Variants in NRDC observed in about 807,000 individuals in gnomAD.
The protein encoded by NRDC is nardilysin.
Under a neutral mutation model 147.1 loss-of-function variants are expected in NRDC, and 54 were observed. The observed-to-expected ratio is 0.37, with a 90% CI of 0.29 to 0.46. The LOEUF (loss-of-function observed/expected upper bound fraction) is 0.46, where lower values mean the gene tolerates loss of function less well. Ranked by LOEUF, NRDC falls within the 20% of genes least tolerant of loss-of-function variation. The pLI, the probability that NRDC is intolerant of heterozygous loss-of-function variation, is 1.00. For missense variants in NRDC, 1,082 were observed against 1,370.6 expected (o/e 0.79, Z 3.33); for synonymous variants, 440 against 482.1 (o/e 0.91, Z 1.14).
chr1:51,870,212 A>C (rs1341635896), intron 1 of NRDC, among the ~76,000 whole-genome samples: 2 of 152,254 alleles, frequency 1.3e-5, no homozygotes, highest in African/African-American at 4.8e-5. Flanking sequence ...TGATCTCCGT[A>C]CTCACGGGCA....
intron 3 of NRDC, 103 bp from the exon 4 acceptor site, chr1:51,834,273 C>A: frequency 8.6e-7 from 1 of 1,159,206 alleles, no homozygotes; most frequent in South Asian, 1.4e-5. Flanking sequence ...AGAAAATAGA[C>A]CAACACATCA....
At chr1:51,836,086 G>GT in intron 3 of NRDC, 45 bp downstream of exon 3, 3 of 1,424,464 alleles carry the variant, frequency 2.1e-6, no homozygotes, top group Non-Finnish European at 3.0e-6. Context: ...TAAGTTTGGA[G>GT]GGGGGAAAAA....
At chr1:51,814,241 G>A (rs537926489) in intron 13 of NRDC, 152 bp from the exon 14 acceptor site, 20 of 594,494 alleles carry the variant, frequency 3.4e-5, no homozygotes, top group East Asian at 1.7e-4. Context: ...ACAAACCACC[G>A]TGACACAAGT....
At chr1:51,868,140 G>A (rs546342389) in intron 1 of NRDC, among the ~76,000 whole-genome samples, 9 of 152,196 alleles carry the variant, frequency 5.9e-5, no homozygotes, top group African/African-American at 2.2e-4. Flanking sequence ...GGTATGCAAA[G>A]ACTCAAAGAA....
chr1:51,876,572 T>C (rs1683338746), intron 1 of NRDC, among the ~76,000 whole-genome samples: 2 of 152,222 alleles, frequency 1.3e-5, no homozygotes, highest in South Asian at 4.1e-4. Flanking sequence ...TCATAAAGTT[T>C]TGGATTTCCG....
chr1:51,834,251 AG>A, intron 3 of NRDC, 81 bp from the exon 4 acceptor site: 1 of 1,401,106 alleles, frequency 7.1e-7, no homozygotes, highest in Non-Finnish European at 9.8e-7. Context: ...TTATATGCAT[AG>A]AAAAACTGAA....
At chr1:51,826,458 GAAGT>G (rs1008063371) in intron 5 of NRDC, among the ~76,000 whole-genome samples, 9 of 152,060 alleles carry the variant, frequency 5.9e-5, no homozygotes, top group South Asian at 2.1e-4. Context: ...TAAAAATGAA[GAAGT>G]AAGTAAATAA....
intron 1 of NRDC, among the ~76,000 whole-genome samples, chr1:51,845,670 T>C (rs1681523830): frequency 6.6e-6 from 1 of 152,204 alleles, no homozygotes; most frequent in African/African-American, 2.4e-5. Context: ...AAAATAGCTC[T>C]TTCGCCCATT....
chr1:51,865,408 G>A (rs952038023), intron 1 of NRDC, among the ~76,000 whole-genome samples: 2 of 151,618 alleles, frequency 1.3e-5, no homozygotes, highest in African/African-American at 2.4e-5. Context: ...GGGTTCAAGC[G>A]ATACTCCCAC....
chr1:51,846,709 G>T (rs563280651), intron 1 of NRDC, among the ~76,000 whole-genome samples: 23 of 152,326 alleles, frequency 1.5e-4, no homozygotes, highest in African/African-American at 5.1e-4. Flanking sequence ...AAGATTTATC[G>T]CCAACAGCGA....
rs1381585207 is a variant in NRDC, at chr1:51,791,122, G to GT, written c.2961-133dup. The GT allele has an allele frequency of 6.1e-6, 4 of 653,174 alleles. No homozygotes were observed. In the Admixed American group the frequency reaches 1.1e-4, roughly 18 times the overall value. 40.5% of individuals were successfully genotyped at this position (653,174 alleles called of 1,614,324 possible). On this transcript the variant is annotated intron_variant, in intron 27 of 30. Coordinates refer to ENST00000352171, the MANE Select transcript of NRDC (RefSeq NM_001101662.2). The stretch of plus-strand genomic sequence containing the variant: ...TATATCCAGGAAAAAAAGCTAAAGT[G>GT]TTTTCCCAGGCCTCAGTATTCCACC...
chr1:51,867,262 CA>C (rs1307698388), intron 1 of NRDC, among the ~76,000 whole-genome samples: 26 of 152,118 alleles, frequency 1.7e-4, no homozygotes, highest in African/African-American at 5.6e-4. Flanking sequence ...GAAATGGAAG[CA>C]AGACTTTAAA....
chr1:51,820,466 T>G (rs1680164150), intron 8 of NRDC, among the ~76,000 whole-genome samples: 1 of 152,188 alleles, frequency 6.6e-6, no homozygotes, highest in Non-Finnish European at 1.5e-5. Context: ...TTTTTTTTAA[T>G]GCTCATCAGG....
At chr1:51,796,269 C>CA (rs1678903541) in intron 22 of NRDC, among the ~76,000 whole-genome samples, 1 of 150,924 alleles carries the variant, frequency 6.6e-6, no homozygotes. Flanking sequence ...GACAGACTCT[C>CA]ACTCTGTCAC....
intron 1 of NRDC, among the ~76,000 whole-genome samples, chr1:51,877,186 CAAA>C (rs1213284495): frequency 1.4e-5 from 2 of 139,644 alleles, no homozygotes; most frequent in Non-Finnish European, 3.1e-5. Context: ...GACTCCGTTT[CAAA>C]AAAAAAAAGG....
At position 51,800,545 on chromosome 1, in the gene NRDC, T is replaced by C. The variant is rs1312393714; in HGVS notation, c.2441+11A>G. 1 of 1,613,832 alleles carries C rather than the reference T, an allele frequency of 6.2e-7. No individual in the cohort carries two copies. The highest frequency in any genetic ancestry group is 1.7e-5 in the Admixed American group (1 of 59,988). ...GTCCTCAAAATATAAGCTCATCTCA[T>C]TTATACCCACTTGGCCAAAGTCTCG... On this transcript the variant is annotated intron_variant, in intron 21 of 30. Coordinates refer to ENST00000352171, the MANE Select transcript of NRDC (RefSeq NM_001101662.2).
intron 1 of NRDC, among the ~76,000 whole-genome samples, chr1:51,852,053 G>A (rs144222805): frequency 4.7e-4 from 72 of 152,224 alleles, no homozygotes; most frequent in Non-Finnish European, 7.8e-4. Flanking sequence ...TTTGGTACAC[G>A]TTGTGTGTGT....
At chr1:51,839,160 C>CTTTTTTTTTTTTTTT (rs5774110) in intron 2 of NRDC, among the ~76,000 whole-genome samples, 3 of 133,786 alleles carry the variant, frequency 2.2e-5, no homozygotes, top group South Asian at 2.3e-4. Flanking sequence ...TTTTCTTTTT[C>CTTTTTTTTTTTTTTT]TTTTTTTTTT....
chr1:51,836,490 A>G, intron 2 of NRDC: 1 of 1,449,062 alleles, frequency 6.9e-7, no homozygotes, highest in Non-Finnish European at 9.6e-7. Flanking sequence ...GGGACTGGAC[A>G]GCCCACCCAA....
Sources: gnomAD v4.1 joint callset for allele counts (sites outside exome capture counted in the v4.1 genomes callset) on GRCh38, gnomAD v4.1.1 for gene constraint, MANE v1.5 for transcripts, NCBI Gene and HGNC (gene_info 2026-07-23, HGNC 2026-07-21) for gene names.